TLR1: variants seen among roughly 807,000 people sequenced by gnomAD.
The protein encoded by TLR1 is toll like receptor 1, also known as toll-like receptor 1.
In TLR1, 19 loss-of-function variants were observed where a neutral mutation model predicts 20.2. That is an observed-to-expected ratio of 0.94 (90% CI 0.66 to 1.38). The LOEUF is 1.38. Ranked by LOEUF, TLR1 falls within the 40% of genes most tolerant of loss-of-function variation. The probability of loss-of-function intolerance (pLI) is 0.00; values close to 1 mark genes in which losing one functional copy is unlikely to be tolerated. For synonymous variants in TLR1, 320 were observed against 334.5 expected (o/e 0.96, Z 0.47); for missense variants, 921 against 910.0 (o/e 1.01, Z -0.16).
In TLR1 at chr4:38,797,340, C is replaced by A; in HGVS notation, c.1492G>T (p.Asp498Tyr). ...GATGGGTGGGAAACTGAATTGTGAT[C>A]AATGATCAATACAGAAAGGCTGCTA... ...SFSSLSVLIIDHNSVSHPSAD... is the reference protein window; with the variant it reads ...SFSSLSVLIIYHNSVSHPSAD... Residue 498 changes from aspartate (D) to tyrosine (Y), a missense_variant, in exon 4 of 4, where the codon GAT (aspartate) becomes TAT (tyrosine). By Grantham distance (160) the Asp-to-Tyr change is radical. Coordinates refer to ENST00000308979, the MANE Select transcript of TLR1 (RefSeq NM_003263.4). 1.2e-6 allele frequency: 2 copies of A among 1,614,132 alleles called. No homozygotes were observed. The highest frequency in any genetic ancestry group is 8.5e-7 in the Non-Finnish European group (1 of 1,180,026).
At chr4:38,790,762 C>A (rs1388519324), downstream of TLR1, 2 of 152,050 alleles carry the variant, frequency 1.3e-5, no homozygotes, top group African/African-American at 4.8e-5. Context: ...CAAAATAAGT[C>A]ATTTTGTTCT....
intron 2 of TLR1, among the ~76,000 whole-genome samples, chr4:38,801,480 A>G (rs1268658866): frequency 6.6e-6 from 1 of 152,204 alleles, no homozygotes; most frequent in East Asian, 1.9e-4. Context: ...AATAAAAATA[A>G]TACCCTGGGG....
chr4:38,792,937 G>A (rs184549549), downstream of TLR1, among the ~76,000 whole-genome samples: 289 of 147,664 alleles, frequency 2.0e-3, 1 homozygote, highest in Middle Eastern at 0.029. Context: ...CTGCAGTCTC[G>A]CTAGTATAGC....
chr4:38,792,812 A>G (rs2109336463), downstream of TLR1, among the ~76,000 whole-genome samples: 1 of 148,828 alleles, frequency 6.7e-6, no homozygotes, highest in Non-Finnish European at 1.5e-5. Flanking sequence ...TAAATTCCTA[A>G]AAGTGGAACT....
At position 38,798,136 on chromosome 4, in the gene TLR1, G is replaced by C; in HGVS notation, c.696C>G (p.Tyr232Ter). Residue 232 changes from tyrosine (Y) to a stop codon, truncating the protein, a stop_gained, in exon 4 of 4, where the codon TAC (tyrosine) becomes TAG (stop). Coordinates refer to ENST00000308979, the MANE Select transcript of TLR1 (RefSeq NM_003263.4). LOFTEE classifies it low-confidence loss of function (END_TRUNC). ...KCVLEDNKCS[Y>*]FLSILAKLQT... is the part of the protein sequence containing the mutation. ...GAAGTTTCGCCAGAATACTTAGGAAGTAAGAACATTTGTTATCTTCTAGCA... is the reference window on the plus strand; with the variant it reads ...GAAGTTTCGCCAGAATACTTAGGAACTAAGAACATTTGTTATCTTCTAGCA... 6.2e-7 allele frequency: 1 copy of C among 1,613,942 alleles called. No homozygotes were observed. Among genetic ancestry groups the C allele is most frequent in the African/African-American group, 1.3e-5 (1 of 75,046 alleles).
downstream of TLR1, among the ~76,000 whole-genome samples, chr4:38,789,784 G>A (rs1725675628): frequency 6.6e-6 from 1 of 152,148 alleles, no homozygotes; most frequent in African/African-American, 2.4e-5. Context: ...CTTTTTAAAA[G>A]AGCAATATTT....
chr4:38,792,759 TATAA>T (rs1560451909), downstream of TLR1, among the ~76,000 whole-genome samples: 1 of 151,764 alleles, frequency 6.6e-6, no homozygotes, highest in African/African-American at 2.4e-5. Context: ...TTAACATACT[TATAA>T]ATAAATATTT....
downstream of TLR1, chr4:38,796,199 C>T (rs1726039410): frequency 4.9e-6 from 2 of 409,022 alleles, no homozygotes; most frequent in Non-Finnish European, 8.8e-6. Flanking sequence ...CAGGTGCTTC[C>T]CTTGACTTCA....
downstream of TLR1, among the ~76,000 whole-genome samples, chr4:38,791,474 A>G (rs889962457): frequency 1.6e-4 from 25 of 152,198 alleles, no homozygotes; most frequent in African/African-American, 6.0e-4. Context: ...AATTTTATCT[A>G]TGATATTTGC....
Position 38,796,567 on chromosome 4 carries a change from A to G in TLR1, c.2265T>C (p.Tyr755=), listed in dbSNP as rs745646625. The G allele has an allele frequency of 1.2e-6, 2 of 1,614,216 alleles. No homozygotes were observed. Among genetic ancestry groups the G allele is most frequent in the South Asian group, 2.2e-5 (2 of 91,082 alleles). ...TGCTCTTTTCCTTGGGCCATTCCAA[A>G]TAAGTCCTCCTGGCCATGAGACTTT... is the stretch of plus-strand genomic sequence containing the variant. ...KLKSLMARRT[Y]LEWPKEKSKR... is the part of the protein sequence containing the mutation. Residue 755 remains tyrosine (Y), a synonymous_variant, in exon 4 of 4, where the codon TAT becomes TAC. Coordinates refer to ENST00000308979, the MANE Select transcript of TLR1 (RefSeq NM_003263.4).
chr4:38,795,224 G>A (rs1034109831), downstream of TLR1, among the ~76,000 whole-genome samples: 1 of 152,210 alleles, frequency 6.6e-6, no homozygotes, highest in Non-Finnish European at 1.5e-5. Context: ...CAGAATGGTA[G>A]AACAGGCTTC....
chr4:38,787,905 T>C (rs536881933), downstream of TLR1, among the ~76,000 whole-genome samples: 1 of 152,276 alleles, frequency 6.6e-6, no homozygotes, highest in Non-Finnish European at 1.5e-5. Flanking sequence ...AATATTGACA[T>C]TTCTCATCTC....
At chr4:38,794,559 T>C (rs1423379134), downstream of TLR1, 2 of 152,084 alleles carry the variant, frequency 1.3e-5, no homozygotes, top group African/African-American at 2.4e-5. Context: ...TATCTTTCTG[T>C]TTAGAATGGC....
chr4:38,803,038 GAGAA>G (rs895667278), intron 2 of TLR1, among the ~76,000 whole-genome samples: 1 of 152,200 alleles, frequency 6.6e-6, no homozygotes, highest in African/African-American at 2.4e-5. Flanking sequence ...TACCCAGAGA[GAGAA>G]AGAGTTAAGC....
chr4:38,792,008 G>A (rs1725746326), downstream of TLR1, among the ~76,000 whole-genome samples: 1 of 152,150 alleles, frequency 6.6e-6, no homozygotes, highest in African/African-American at 2.4e-5. Context: ...ATGACCCTGA[G>A]ATAAGTCAGT....
rs1231780929 is a variant in TLR1, at chr4:38,796,896, GC to G, written c.1935del (p.His646ThrfsTer6). The G allele has an allele frequency of 6.2e-7, 1 of 1,614,166 alleles. No individual in the cohort carries two copies. Among genetic ancestry groups the G allele is most frequent in the Non-Finnish European group, 8.5e-7 (1 of 1,180,042 alleles). ...LQFHAFISYSGHDSFWVKNEL... is the reference protein window; with the variant it reads ...LQFHAFISYSXHDSFWVKNEL... ...TCATTCTTCACCCAGAAAGAATCGT[GC>G]CCACTATATGAAATAAATGCATGAA... is the stretch of plus-strand genomic sequence containing the variant. On this transcript the variant is annotated frameshift_variant, in exon 4 of 4. Transcript: ENST00000308979. LOFTEE classifies it high-confidence loss of function.
chr4:38,789,451 A>G (rs1725666908), downstream of TLR1, among the ~76,000 whole-genome samples: 1 of 152,132 alleles, frequency 6.6e-6, no homozygotes, highest in Non-Finnish European at 1.5e-5. Flanking sequence ...GCATTTATCT[A>G]ACTCAATGGT....
At chr4:38,803,600 G>T (rs533018777) in intron 2 of TLR1, among the ~76,000 whole-genome samples, 1 of 152,204 alleles carries the variant, frequency 6.6e-6, no homozygotes, top group South Asian at 2.1e-4. Context: ...GTTATACACA[G>T]GAATAACTGA....
Position 38,798,717 on chromosome 4 carries a change from C to T in TLR1, c.115G>A (p.Val39Ile), listed in dbSNP as rs143455657. The change falls in exon 4 of 4, where the codon GTT (valine) becomes ATT (isoleucine). Residue 39 changes from valine to isoleucine, a missense_variant. Coordinates refer to ENST00000308979, the MANE Select transcript of TLR1 (RefSeq NM_003263.4). ...VDRSKNGLIHVPKDLSQKTTI... is the reference protein window; with the variant it reads ...VDRSKNGLIHIPKDLSQKTTI... ...GTTTTCTGGGATAGGTCTTTAGGAACGTGGATGAGACCGTTTTTTGACCTA... is the reference window on the plus strand; with the variant it reads ...GTTTTCTGGGATAGGTCTTTAGGAATGTGGATGAGACCGTTTTTTGACCTA... The T allele has an allele frequency of 8.7e-6, 14 of 1,613,700 alleles. No individual in the cohort carries two copies. Among genetic ancestry groups the T allele is most frequent in the African/African-American group, 6.7e-5 (5 of 75,014 alleles).
Sources: gnomAD v4.1 joint callset for allele counts (sites outside exome capture counted in the v4.1 genomes callset) on GRCh38, gnomAD v4.1.1 for gene constraint, MANE v1.5 for transcripts, NCBI Gene and HGNC (gene_info 2026-07-23, HGNC 2026-07-21) for gene names.